RBM19: variants seen among roughly 807,000 people sequenced by gnomAD.
RBM19 encodes the protein RNA binding motif protein 19, also known as probable RNA-binding protein 19.
RBM19 carries 94 observed loss-of-function variants against 116.8 expected under a neutral mutation model. That is an observed-to-expected ratio of 0.80 (90% CI 0.68 to 0.95). The LOEUF (loss-of-function observed/expected upper bound fraction) is 0.95, where lower values mean the gene tolerates loss of function less well. Among genes scored for constraint, RBM19 ranks in the 40% least tolerant of loss-of-function variants. RBM19 has a pLI of 0.00. For missense variants in RBM19, 1,161 were observed against 1,220.7 expected (o/e 0.95, Z 0.73); for synonymous variants, 475 against 494.1 (o/e 0.96, Z 0.51).
chr12:113,932,403 G>C (rs770124745), intron 16 of RBM19, among the ~76,000 whole-genome samples: 1 of 152,186 alleles, frequency 6.6e-6, no homozygotes, highest in African/African-American at 2.4e-5. Context: ...GAGAAATCCA[G>C]GGGAAAATGT....
At chr12:113,833,916 A>G (rs545637014) in intron 23 of RBM19, among the ~76,000 whole-genome samples, 7 of 151,698 alleles carry the variant, frequency 4.6e-5, no homozygotes, top group African/African-American at 1.5e-4. Flanking sequence ...GCTAATTTTT[A>G]AAGTTTTTTT....
At chr12:113,947,979 C>T (rs746574098) in intron 10 of RBM19, among the ~76,000 whole-genome samples, 1 of 152,148 alleles carries the variant, frequency 6.6e-6, no homozygotes, top group South Asian at 2.1e-4. Flanking sequence ...AGGTGTAAGC[C>T]GGGATGCCAG....
intron 7 of RBM19, among the ~76,000 whole-genome samples, chr12:113,953,944 A>T (rs1413278384): frequency 2.0e-5 from 3 of 152,278 alleles, no homozygotes; most frequent in African/African-American, 7.2e-5. Context: ...GCCTTTACAG[A>T]CGAAGTCTGC....
chr12:113,889,305 G>A (rs1225608304), intron 21 of RBM19, among the ~76,000 whole-genome samples: 1 of 152,178 alleles, frequency 6.6e-6, no homozygotes, highest in Non-Finnish European at 1.5e-5. Flanking sequence ...GCACTGCTAT[G>A]GGGAAAGGCA....
rs775790032 is a variant in RBM19, at chr12:113,952,526, T to C, written c.986A>G (p.His329Arg). ...CTGGATCTTACCTGTTTTATTCCCA[T>C]GAGCGTTTCTCACAATTCGAATGGC... is the stretch of plus-strand genomic sequence containing the variant. ...PVAIRIVRNAHGNKTGYIFVD... is the reference protein window; with the variant it reads ...PVAIRIVRNARGNKTGYIFVD... The change falls in exon 8 of 24, where the codon CAT becomes CGT. Residue 329 changes from histidine (H) to arginine (R), a missense_variant. By Grantham distance (29) the His-to-Arg change is conservative. Coordinates refer to ENST00000261741, the MANE Select transcript of RBM19 (RefSeq NM_016196.4). 2.5e-6 allele frequency: 4 copies of C among 1,613,680 alleles called. No individual in the cohort carries two copies. In the Admixed American group the frequency reaches 5.0e-5, roughly 20 times the overall value.
chr12:113,888,922 G>T (rs1880738650), intron 21 of RBM19, among the ~76,000 whole-genome samples: 1 of 152,214 alleles, frequency 6.6e-6, no homozygotes, highest in Admixed American at 6.5e-5. Context: ...TTAACGGGTG[G>T]TACTGCCCCC....
At chr12:113,885,352 T>C (rs1880443803) in intron 21 of RBM19, among the ~76,000 whole-genome samples, 1 of 152,212 alleles carries the variant, frequency 6.6e-6, no homozygotes, top group Non-Finnish European at 1.5e-5. Flanking sequence ...AACTGGCTTG[T>C]ACTTTTCAAA....
At chr12:113,906,013 C>T (rs3955311) in intron 21 of RBM19, among the ~76,000 whole-genome samples, 16,984 of 152,222 alleles carry the variant, frequency 0.11, 1,222 homozygotes, top group East Asian at 0.23. Context: ...ATAAACTGAC[C>T]GTGGAAGGAA....
Position 113,948,938 on chromosome 12 carries a change from C to T in RBM19, c.1171G>A (p.Glu391Lys), listed in dbSNP as rs1221754240. 6.2e-7 allele frequency: 1 copy of T among 1,614,222 alleles called. No individual in the cohort carries two copies. Reference protein sequence around the residue: ...TKSWQGRILGENEEEEDLAES... With the variant: ...TKSWQGRILGKNEEEEDLAES... ...GCCAGGTCCTCCTCCTCTTCGTTCT[C>T]CCCGAGTATCCGGCCTTGCCAGGAT... Residue 391 changes from glutamate to lysine, a missense_variant, in exon 10 of 24, where the codon GAG (glutamate) becomes AAG (lysine). By Grantham distance (56) the Glu-to-Lys change is moderately conservative (BLOSUM62 1). Coordinates refer to ENST00000261741, the MANE Select transcript of RBM19 (RefSeq NM_016196.4).
chr12:113,841,262 G>A (rs1876445509), intron 23 of RBM19, among the ~76,000 whole-genome samples: 1 of 152,194 alleles, frequency 6.6e-6, no homozygotes, highest in African/African-American at 2.4e-5. Flanking sequence ...GGCCAGCAGT[G>A]TTTGTCATTA....
At position 113,927,141 on chromosome 12, in the gene RBM19, TTCC is replaced by T. The variant is rs779859672; in HGVS notation, c.2154_2156del (p.Glu725del). The T allele has an allele frequency of 1.4e-5, 23 of 1,610,940 alleles. No individual in the cohort carries two copies. Among genetic ancestry groups the T allele is most frequent in the Middle Eastern group, 1.6e-4 (1 of 6,080 alleles). Reference sequence around the variant, plus strand: ...GGAGGCTCTCTTCTTCTTCTTCCTCTTCCTCCTCCTCCTCTTCCATCTTTGCTG... The same window carrying T: ...GGAGGCTCTCTTCTTCTTCTTCCTCTTCCTCCTCCTCTTCCATCTTTGCTG... On this transcript the variant is annotated inframe_deletion, in exon 17 of 24. Coordinates refer to ENST00000261741, the MANE Select transcript of RBM19 (RefSeq NM_016196.4).
Position 113,948,993 on chromosome 12 carries a change from G to C in RBM19, c.1116C>G (p.Thr372=), listed in dbSNP as rs757269574. The C allele has an allele frequency of 1.1e-4, 174 of 1,614,052 alleles. No individual in the cohort carries two copies. Among genetic ancestry groups the C allele is most frequent in the Non-Finnish European group, 1.4e-4 (163 of 1,180,014 alleles). ...IEVFREKNVP[T]TKGAPKNTTK... is the part of the protein sequence containing the mutation. ...TGGTATTCTTTGGTGCACCCTTGGT[G>C]GTGGGGACGTTCTTTTCCCTGAACA... is the stretch of plus-strand genomic sequence containing the variant. Residue 372 remains threonine, a synonymous_variant, in exon 10 of 24, where the codon ACC becomes ACG. Coordinates refer to ENST00000261741, the MANE Select transcript of RBM19 (RefSeq NM_016196.4).
In RBM19 at chr12:113,906,251, T is replaced by C. The variant is rs561445495; in HGVS notation, c.2558+8718A>G. Among the ~76,000 whole-genome samples the C allele has an allele frequency of 4.6e-5, 7 of 152,288 alleles. No individual in the cohort carries two copies. In the South Asian group the frequency reaches 8.3e-4, roughly 18 times the overall value. On this transcript the variant is annotated intron_variant, in intron 21 of 23. Coordinates refer to ENST00000261741, the MANE Select transcript of RBM19 (RefSeq NM_016196.4). ...TAAAATGGGTAAGTATATTGCAACA[T>C]ATTCACACAATGGAATTCTAGATGG...
chr12:113,874,102 C>A (rs1488727735), intron 21 of RBM19, among the ~76,000 whole-genome samples: 1 of 152,242 alleles, frequency 6.6e-6, no homozygotes, highest in Non-Finnish European at 1.5e-5. Context: ...TGTCACCCTG[C>A]TTCATTTGTC....
chr12:113,885,347 G>A (rs1348872019), intron 21 of RBM19, among the ~76,000 whole-genome samples: 1 of 152,186 alleles, frequency 6.6e-6, no homozygotes, highest in African/African-American at 2.4e-5. Context: ...AAGGCAACTG[G>A]CTTGTACTTT....
At chr12:113,894,558 T>C (rs909489988) in intron 21 of RBM19, among the ~76,000 whole-genome samples, 3 of 152,278 alleles carry the variant, frequency 2.0e-5, no homozygotes, top group Admixed American at 1.3e-4. Flanking sequence ...TGAAGTTTTG[T>C]GCCCCTTTAT....
chr12:113,910,599 G>A (rs575941612), intron 21 of RBM19, among the ~76,000 whole-genome samples: 134 of 152,296 alleles, frequency 8.8e-4, no homozygotes, highest in African/African-American at 3.0e-3. Flanking sequence ...TGGGCAAGCC[G>A]AGGGTCCATC....
chr12:113,927,591 C>CAAAAAAAAA (rs764020256), intron 16 of RBM19, among the ~76,000 whole-genome samples: 2 of 63,072 alleles, frequency 3.2e-5, no homozygotes, highest in Non-Finnish European at 3.6e-5. Context: ...CCTCAAAAAA[C>CAAAAAAAAA]AAAAAAAAAA....
intron 16 of RBM19, among the ~76,000 whole-genome samples, chr12:113,930,908 C>G: frequency 6.6e-6 from 1 of 152,138 alleles, no homozygotes; most frequent in East Asian, 1.9e-4. Context: ...CTGCATGGCC[C>G]TGGGTGAGTG....
Sources: allele counts gnomAD v4.1 joint callset (sites outside exome capture counted in the v4.1 genomes callset), GRCh38; gene constraint gnomAD v4.1.1; transcripts MANE v1.5; gene names NCBI Gene and HGNC (gene_info 2026-07-23, HGNC 2026-07-21).